The following ADNP2 variants were observed in gnomAD, a reference collection of about 807,000 sequenced individuals.
The protein encoded by ADNP2 is activity-dependent neuroprotector homeobox protein 2.
In ADNP2, 8 loss-of-function variants were observed where a neutral mutation model predicts 16.4. That is an observed-to-expected ratio of 0.49 (90% CI 0.29 to 0.88). The LOEUF is 0.88. Among genes scored for constraint, ADNP2 ranks in the 40% least tolerant of loss-of-function variants. The pLI is 0.09. For synonymous variants in ADNP2, 637 were observed against 545.8 expected (o/e 1.17, Z -2.33); for missense variants, 1,397 against 1,395.1 (o/e 1.00, Z -0.02).
intron 1 of ADNP2, among the ~76,000 whole-genome samples, chr18:80,111,091 C>T (rs538479022): frequency 6.6e-6 from 1 of 152,312 alleles, no homozygotes; most frequent in African/African-American, 2.4e-5. Context: ...CCTTCATCCT[C>T]TGGCTATCCT....
Position 80,137,338 on chromosome 18 carries a change from A to G in ADNP2, c.1925A>G (p.Gln642Arg). 1 of 1,613,952 alleles carries G rather than the reference A, an allele frequency of 6.2e-7. No homozygotes were observed. The highest frequency in any genetic ancestry group is 1.7e-5 in the Admixed American group (1 of 60,002). ...ATVAPPQMPI[Q>R]LLPSGAAAPM... ...GTCGCTCCGCCCCAGATGCCCATCC[A>G]GCTCCTGCCGTCAGGTGCAGCTGCA... The change falls in exon 4 of 4, where the codon CAG becomes CGG. Residue 642 changes from glutamine to arginine, a missense_variant. Physicochemically the swap from Gln to Arg is conservative, Grantham distance 43. Around this residue, in one of 3 missense-constraint regions of ADNP2, gnomAD observed 611 missense variants for 648.7 expected, o/e 0.94. Coordinates refer to ENST00000262198, the MANE Select transcript of ADNP2 (RefSeq NM_014913.4). The surrounding 1 kb of genome is among the most constrained non-coding windows in gnomAD (Gnocchi z 4.2).
At chr18:80,122,986 C>T (rs2052434508) in intron 2 of ADNP2, among the ~76,000 whole-genome samples, 1 of 151,748 alleles carries the variant, frequency 6.6e-6, no homozygotes, top group Non-Finnish European at 1.5e-5. Context: ...CCCTTCAATT[C>T]CTAGTTTTCT....
rs757325949 is a variant in ADNP2, at chr18:80,136,100, G to A, written c.687G>A (p.Ala229=). Residue 229 remains alanine (A), a synonymous_variant, in exon 4 of 4, where the codon GCG becomes GCA. Transcript: ENST00000262198. The part of the protein sequence containing the change: ...KCNANASSQD[A]LMYHILTSDI... The stretch of plus-strand genomic sequence containing the variant: ...ACGCCAATGCCAGCAGCCAGGATGC[G>A]TTAATGTATCACATTTTGACATCAG... 3.0e-5 allele frequency: 49 copies of A among 1,614,046 alleles called. No individual in the cohort carries two copies. The highest frequency in any genetic ancestry group is 8.8e-5 in the South Asian group (8 of 91,092).
chr18:80,133,639 A>G, intron 3 of ADNP2: 1 of 177,492 alleles, frequency 5.6e-6, no homozygotes, highest in Non-Finnish European at 1.2e-5. Flanking sequence ...AACATGAGCC[A>G]TACTGCTGAA....
chr18:80,115,750 G>C (rs2145191644), intron 1 of ADNP2, among the ~76,000 whole-genome samples: 3 of 152,214 alleles, frequency 2.0e-5, no homozygotes, highest in Admixed American at 2.0e-4. Flanking sequence ...TCACTTCCCA[G>C]TTCTCCCAGC....
At chr18:80,119,449 G>C (rs1253822799) in intron 2 of ADNP2, among the ~76,000 whole-genome samples, 2 of 150,730 alleles carry the variant, frequency 1.3e-5, no homozygotes, top group African/African-American at 4.9e-5. Context: ...GCTGACTGGA[G>C]AACCAACCCT....
intron 2 of ADNP2, among the ~76,000 whole-genome samples, chr18:80,128,121 A>G (rs950800348): frequency 2.6e-5 from 4 of 152,208 alleles, no homozygotes; most frequent in Non-Finnish European, 4.4e-5. Flanking sequence ...TGTTAATTCC[A>G]GCCTTCTTTA....
In ADNP2 at chr18:80,135,828, G is replaced by A. The variant is rs1209103493; in HGVS notation, c.415G>A (p.Val139Met). The A allele has an allele frequency of 2.5e-6, 4 of 1,614,072 alleles. No homozygotes were observed. The highest frequency in any genetic ancestry group is 3.4e-6 in the Non-Finnish European group (4 of 1,180,006). ...APVRKVQNYT[V>M]NILGETKSSR... Reference sequence around the variant, plus strand: ...TGTCCGGAAAGTCCAGAACTACACAGTGAATATTTTAGGTGAAACTAAATC... The same window carrying A: ...TGTCCGGAAAGTCCAGAACTACACAATGAATATTTTAGGTGAAACTAAATC... Residue 139 changes from valine to methionine, a missense_variant, in exon 4 of 4, where the codon GTG becomes ATG. Transcript: ENST00000262198.
In ADNP2 at chr18:80,117,580, G is replaced by C; in HGVS notation, c.38G>C (p.Arg13Thr). Residue 13 changes from arginine (R) to threonine (T), a missense_variant, in exon 2 of 4, where the codon AGA becomes ACA. Around this residue, in one of 3 missense-constraint regions of ADNP2, gnomAD observed 777 missense variants for 719.4 expected, o/e 1.08. Transcript: ENST00000262198. ...QIPVENLDNI[R>T]KVRKKVKGIL... Reference sequence around the variant, plus strand: ...CCTGTGGAAAATCTTGACAACATCAGAAAGGTGCGAAAAAAGGTGAAAGGT... The same window carrying C: ...CCTGTGGAAAATCTTGACAACATCACAAAGGTGCGAAAAAAGGTGAAAGGT... 1 of 1,602,638 alleles carries C rather than the reference G, an allele frequency of 6.2e-7. No homozygotes were observed. Among genetic ancestry groups the C allele is most frequent in the Non-Finnish European group, 8.5e-7 (1 of 1,177,134 alleles).
intron 1 of ADNP2, among the ~76,000 whole-genome samples, chr18:80,113,607 T>C (rs1361436946): frequency 1.3e-5 from 2 of 152,246 alleles, no homozygotes; most frequent in African/African-American, 4.8e-5. Flanking sequence ...ACGGTTCTTA[T>C]CCTGTTTTAT....
Position 80,136,830 on chromosome 18 carries a change from T to A in ADNP2, c.1417T>A (p.Ser473Thr). The A allele has an allele frequency of 1.2e-6, 2 of 1,613,766 alleles. No homozygotes were observed. The highest frequency in any genetic ancestry group is 1.7e-6 in the Non-Finnish European group (2 of 1,179,846). ...GGTTATCCCTGGGCAAACAGCAACTTCTGGGGTTCTTCCTACTGGCCAGAT... is the reference window on the plus strand; with the variant it reads ...GGTTATCCCTGGGCAAACAGCAACTACTGGGGTTCTTCCTACTGGCCAGAT... ...AGVIPGQTAT[S>T]GVLPTGQMVQ... The change falls in exon 4 of 4, where the codon TCT (serine) becomes ACT (threonine). Residue 473 changes from serine to threonine, a missense_variant. Around this residue, in one of 3 missense-constraint regions of ADNP2, gnomAD observed 777 missense variants for 719.4 expected, o/e 1.08. Coordinates refer to ENST00000262198, the MANE Select transcript of ADNP2 (RefSeq NM_014913.4).
chr18:80,129,257 C>T (rs766090252), intron 2 of ADNP2, among the ~76,000 whole-genome samples: 1 of 151,950 alleles, frequency 6.6e-6, no homozygotes, highest in East Asian at 1.9e-4. Flanking sequence ...GCACCCGCCA[C>T]CACGCCCAGC....
At chr18:80,131,597 TAAGTTCTAGGGTA>T (rs2052497043) in intron 2 of ADNP2, among the ~76,000 whole-genome samples, 1 of 150,724 alleles carries the variant, frequency 6.6e-6, no homozygotes, top group Non-Finnish European at 1.5e-5. Flanking sequence ...AATTATACTT[TAAGTTCTAGGGTA>T]CATGTGCACA....
At chr18:80,128,507 C>T (rs536956492) in intron 2 of ADNP2, among the ~76,000 whole-genome samples, 26 of 152,012 alleles carry the variant, frequency 1.7e-4, no homozygotes, top group Non-Finnish European at 4.4e-5. Context: ...AAAATTAGCC[C>T]GACGTGGTGG....
intron 2 of ADNP2, among the ~76,000 whole-genome samples, chr18:80,130,585 T>TCC: frequency 6.6e-6 from 1 of 152,196 alleles, no homozygotes; most frequent in Non-Finnish European, 1.5e-5. Context: ...GGAAAATGTT[T>TCC]TTCTTGTACA....
chr18:80,138,147 G>A lies in ADNP2; in HGVS notation c.2734G>A (p.Ala912Thr), dbSNP rs2052555407. 9.9e-6 allele frequency: 16 copies of A among 1,614,034 alleles called. No homozygotes were observed. Among genetic ancestry groups the A allele is most frequent in the Non-Finnish European group, 1.3e-5 (15 of 1,180,028 alleles). ...PTVHTVLKSPAFKCIHCCGVY... is the reference protein window; with the variant it reads ...PTVHTVLKSPTFKCIHCCGVY... ...AGTCCACACGGTCCTGAAGTCTCCC[G>A]CCTTCAAGTGCATCCACTGCTGTGG... The change falls in exon 4 of 4, where the codon GCC becomes ACC. Residue 912 changes from alanine to threonine, a missense_variant. Around this residue, in one of 3 missense-constraint regions of ADNP2, gnomAD observed 611 missense variants for 648.7 expected, o/e 0.94. Coordinates refer to ENST00000262198, the MANE Select transcript of ADNP2 (RefSeq NM_014913.4).
chr18:80,130,645 C>T (rs1253948820), intron 2 of ADNP2, among the ~76,000 whole-genome samples: 1 of 152,082 alleles, frequency 6.6e-6, no homozygotes, highest in Admixed American at 6.6e-5. Flanking sequence ...ATTTAAAACC[C>T]TCTGCCGCCC....
rs774059183 is a variant in ADNP2 at position 80,138,909 on chromosome 18, C to T, written c.*100C>T. On this transcript the variant is annotated 3_prime_UTR_variant, in exon 4 of 4. Transcript: ENST00000262198. ...CCTCACTGTGTTGGTGAATCAACCT[C>T]AGTGGTCACTGTGCTGCTCTGCAGA... 1.6e-5 allele frequency: 18 copies of T among 1,136,278 alleles called. No individual in the cohort carries two copies. Among genetic ancestry groups the T allele is most frequent in the Admixed American group, 6.4e-5 (2 of 31,178 alleles). 70.4% of individuals were successfully genotyped at this position (1,136,278 alleles called of 1,614,324 possible).
rs368321314 is a variant in ADNP2, at chr18:80,137,336, C to T, written c.1923C>T (p.Ile641=). 5.0e-6 allele frequency: 8 copies of T among 1,613,890 alleles called. No homozygotes were observed. The Admixed American group carries it at 1.3e-4, about 27-fold the overall frequency. Residue 641 remains isoleucine, a synonymous_variant, in exon 4 of 4, where the codon ATC becomes ATT. Transcript: ENST00000262198. This position sits in a 1 kb window ranked among gnomAD's most constrained non-coding sequence, Gnocchi z 4.2. ...CTGTCGCTCCGCCCCAGATGCCCAT[C>T]CAGCTCCTGCCGTCAGGTGCAGCTG... ...LATVAPPQMP[I]QLLPSGAAAP...
Sources: allele counts gnomAD v4.1 joint callset (sites outside exome capture counted in the v4.1 genomes callset), GRCh38; gene constraint gnomAD v4.1.1; regional missense constraint gnomAD v4.1.1; non-coding constraint Gnocchi (gnomAD v3.1); transcripts MANE v1.5; gene names NCBI Gene and HGNC (gene_info 2026-07-23, HGNC 2026-07-21).